The following HOOK1 variants were observed in gnomAD, a reference collection of about 807,000 sequenced individuals.
HOOK1 encodes hook microtubule tethering protein 1.
HOOK1 carries 60 observed loss-of-function variants against 112.8 expected under a neutral mutation model. The observed-to-expected ratio is 0.53, with a 90% CI of 0.43 to 0.66. The LOEUF is 0.66. HOOK1 is among the 30% of genes least tolerant of loss of function. The pLI is 0.00. For synonymous variants in HOOK1, 294 were observed against 283.8 expected (o/e 1.04, Z -0.36); for missense variants, 770 against 856.0 (o/e 0.90, Z 1.25).
chr1:59,866,409 A>T (rs2102072759), intron 19 of HOOK1, among the ~76,000 whole-genome samples: 1 of 152,290 alleles, frequency 6.6e-6, no homozygotes, highest in East Asian at 1.9e-4. Flanking sequence ...TTAGTTTGAG[A>T]TTAGATAGTT....
intron 1 of HOOK1, among the ~76,000 whole-genome samples, chr1:59,816,640 TTTA>T (rs1487403556): frequency 1.3e-5 from 2 of 152,218 alleles, no homozygotes; most frequent in Non-Finnish European, 2.9e-5. Flanking sequence ...TTAACCAGAA[TTTA>T]TTGACTTCCA....
chr1:59,814,999 G>C lies in HOOK1; in HGVS notation c.-119G>C, dbSNP rs1033958468. 3 of 1,019,024 alleles carry C rather than the reference G, an allele frequency of 2.9e-6. No individual in the cohort carries two copies. The highest frequency in any genetic ancestry group is 2.1e-5 in the Admixed American group (1 of 47,038). 63.1% of individuals were successfully genotyped at this position (1,019,024 alleles called of 1,614,324 possible). A position where few individuals can be genotyped will look rare whatever the true frequency, so the allele number is the denominator to read the frequency against. On this transcript the variant is annotated 5_prime_UTR_variant, in exon 1 of 22. Coordinates refer to ENST00000371208, the MANE Select transcript of HOOK1 (RefSeq NM_015888.6). The stretch of plus-strand genomic sequence containing the variant: ...GAGGGTTCGCGCGTGAGCTGCGCGG[G>C]TCGGGCCTGGTACCGAGCTTTCCTG...
In HOOK1 at chr1:59,835,375, A is replaced by T. The variant is rs773701104; in HGVS notation, c.437A>T (p.Glu146Val). ...ATTCAAAATATAATGACACTGGAAG[A>T]GTCTGTTCAACATGTGGTCATGACT... ...EHIQNIMTLE[E>V]SVQHVVMTAI... The change falls in exon 6 of 22, where the codon GAG becomes GTG. Residue 146 changes from glutamate to valine, a missense_variant. Physicochemically the swap from Glu to Val is moderately radical, Grantham distance 121. Coordinates refer to ENST00000371208, the MANE Select transcript of HOOK1 (RefSeq NM_015888.6). 15 of 1,592,232 alleles carry T rather than the reference A, an allele frequency of 9.4e-6. No homozygotes were observed. Among genetic ancestry groups the T allele is most frequent in the African/African-American group, 1.3e-5 (1 of 74,506 alleles).
At chr1:59,844,196 C>G (rs2098402445) in intron 9 of HOOK1, among the ~76,000 whole-genome samples, 2 of 151,936 alleles carry the variant, frequency 1.3e-5, no homozygotes, top group Non-Finnish European at 2.9e-5. Flanking sequence ...ACCTTTTACT[C>G]AGATTCAACA....
At chr1:59,832,114 T>C (rs1450314119) in intron 3 of HOOK1, 49 bp from the exon 4 acceptor site, 5 of 1,073,714 alleles carry the variant, frequency 4.7e-6, no homozygotes, top group Non-Finnish European at 6.8e-6. Context: ...ACATAACTTT[T>C]CTTTCATTAT....
At chr1:59,836,151 G>A (rs1411621809) in intron 6 of HOOK1, among the ~76,000 whole-genome samples, 1 of 152,086 alleles carries the variant, frequency 6.6e-6, no homozygotes, top group African/African-American at 2.4e-5. Flanking sequence ...AGCAAATATG[G>A]TGGTACTTAG....
intron 7 of HOOK1, among the ~76,000 whole-genome samples, chr1:59,839,286 G>T (rs886612303): frequency 2.0e-5 from 3 of 152,134 alleles, no homozygotes. Flanking sequence ...AATTACCTTG[G>T]GCAGTATGGC....
At chr1:59,841,111 T>G (rs2102032535) in intron 8 of HOOK1, among the ~76,000 whole-genome samples, 1 of 152,300 alleles carries the variant, frequency 6.6e-6, no homozygotes, top group Non-Finnish European at 1.5e-5. Flanking sequence ...TATATAGCAC[T>G]TAGAGCCTGG....
chr1:59,848,251 C>A, intron 10 of HOOK1, 64 bp from the exon 11 acceptor site: 1 of 1,107,566 alleles, frequency 9.0e-7, no homozygotes, highest in Non-Finnish European at 1.3e-6. Context: ...CATTTTATAG[C>A]CAGAGTAAAA....
intron 12 of HOOK1, among the ~76,000 whole-genome samples, chr1:59,856,934 G>A (rs1415169598): frequency 6.6e-6 from 1 of 151,978 alleles, no homozygotes; most frequent in South Asian, 2.1e-4. Flanking sequence ...GCTGACCTTC[G>A]AGATCTCCGG....
chr1:59,852,010 A>T (rs1426683527), intron 12 of HOOK1, among the ~76,000 whole-genome samples: 1 of 151,666 alleles, frequency 6.6e-6, no homozygotes, highest in Non-Finnish European at 1.5e-5. Context: ...CATTATTGAG[A>T]TAAATTCTAC....
intron 17 of HOOK1, 199 bp from the exon 18 acceptor site, chr1:59,864,964 A>G (rs1344163974): frequency 3.5e-6 from 2 of 571,472 alleles, no homozygotes; most frequent in African/African-American, 1.9e-5. Context: ...TTAGGAAGCA[A>G]GGGTGGCAAG....
intron 13 of HOOK1, 74 bp from the exon 14 acceptor site, chr1:59,858,911 G>C (rs891374250): frequency 1.6e-4 from 120 of 763,492 alleles, no homozygotes; most frequent in East Asian, 1.2e-4. Context: ...AAGAGAGGGA[G>C]GGGGGGAAGG....
intron 21 of HOOK1, among the ~76,000 whole-genome samples, chr1:59,871,845 T>C (rs1396946510): frequency 6.6e-6 from 1 of 152,234 alleles, no homozygotes; most frequent in African/African-American, 2.4e-5. Flanking sequence ...GAAACATGGC[T>C]CATGCTTTCA....
chr1:59,818,147 A>G (rs894349696), intron 1 of HOOK1, among the ~76,000 whole-genome samples: 3 of 152,348 alleles, frequency 2.0e-5, no homozygotes, highest in South Asian at 2.1e-4. Flanking sequence ...AGACACTAGT[A>G]GTAAAACAAA....
intron 4 of HOOK1, among the ~76,000 whole-genome samples, chr1:59,833,154 C>T (rs1293627411): frequency 6.6e-6 from 1 of 152,068 alleles, no homozygotes; most frequent in Non-Finnish European, 1.5e-5. Context: ...TTAAATTCTT[C>T]TCTCTGACAG....
At chr1:59,858,781 A>T (rs1574216937) in intron 13 of HOOK1, among the ~76,000 whole-genome samples, 1 of 134,498 alleles carries the variant, frequency 7.4e-6, no homozygotes, top group South Asian at 2.8e-4. Flanking sequence ...GAAGGAAGGA[A>T]GGAGCACGGG....
intron 1 of HOOK1, among the ~76,000 whole-genome samples, chr1:59,821,427 G>T (rs1348556519): frequency 1.3e-5 from 2 of 152,204 alleles, no homozygotes; most frequent in Admixed American, 1.3e-4. Flanking sequence ...ACTGTAAGTA[G>T]GTTTAGACTT....
At chr1:59,857,688 A>G (rs142780057) in intron 12 of HOOK1, among the ~76,000 whole-genome samples, 1 of 152,362 alleles carries the variant, frequency 6.6e-6, no homozygotes, top group Non-Finnish European at 1.5e-5. Context: ...GACTTGGAAC[A>G]TAACAGCATT....
Sources: allele counts gnomAD v4.1 joint callset (sites outside exome capture counted in the v4.1 genomes callset), GRCh38; gene constraint gnomAD v4.1.1; transcripts MANE v1.5; gene names NCBI Gene and HGNC (gene_info 2026-07-23, HGNC 2026-07-21).